The following ZNF365 variants were observed in gnomAD, a reference collection of about 807,000 sequenced individuals.
ZNF365 encodes protein ZNF365.
In ZNF365, 22 loss-of-function variants were observed where a neutral mutation model predicts 35.0. That is an observed-to-expected ratio of 0.63 (90% CI 0.45 to 0.90). The LOEUF is 0.90. ZNF365 is among the 40% of genes least tolerant of loss of function. The pLI is 0.00. For missense variants in ZNF365, 448 were observed against 500.3 expected (o/e 0.90, Z 1.00); for synonymous variants, 188 against 196.2 (o/e 0.96, Z 0.35).
chr10:62,430,424 C>A (rs1463010153), intron 3 of ZNF365, among the ~76,000 whole-genome samples: 5 of 152,110 alleles, frequency 3.3e-5, no homozygotes, highest in South Asian at 2.1e-4. Context: ...TCGTGATCCA[C>A]CCGCCTCGGC....
chr10:62,464,986 TG>T (rs1462005266), intron 4 of ZNF365, among the ~76,000 whole-genome samples: 2 of 152,172 alleles, frequency 1.3e-5, no homozygotes. Context: ...CCTATCAAGT[TG>T]GTGGGATGGG....
At position 62,376,540 on chromosome 10, in the gene ZNF365, A is replaced by T. The variant is rs1480463153; in HGVS notation, c.347A>T (p.Glu116Val). Reference protein sequence around the residue: ...HEHSKDRKPFEVVAERPVSYV... With the variant: ...HEHSKDRKPFVVVAERPVSYV... Reference sequence around the variant, plus strand: ...CATTCCAAGGACAGGAAGCCATTTGAGGTGGTGGCAGAGAGGCCTGTGTCC... The same window carrying T: ...CATTCCAAGGACAGGAAGCCATTTGTGGTGGTGGCAGAGAGGCCTGTGTCC... Residue 116 changes from glutamate to valine, a missense_variant, in exon 2 of 5, where the codon GAG becomes GTG. By Grantham distance (121) the Glu-to-Val change is moderately radical. Around this residue, in one of 3 missense-constraint regions of ZNF365, gnomAD observed 362 missense variants for 375.7 expected, o/e 0.96. Transcript: ENST00000395254. The T allele has an allele frequency of 6.2e-7, 1 of 1,614,016 alleles. No individual in the cohort carries two copies. Among genetic ancestry groups the T allele is most frequent in the East Asian group, 2.2e-5 (1 of 44,876 alleles).
At chr10:62,414,981 A>G (rs74951993) in intron 3 of ZNF365, among the ~76,000 whole-genome samples, 1 of 152,184 alleles carries the variant, frequency 6.6e-6, no homozygotes. Flanking sequence ...TGTCAAACTC[A>G]TAATTTCAGA....
At chr10:62,432,477 C>T (rs1840349167) in intron 3 of ZNF365, among the ~76,000 whole-genome samples, 1 of 152,204 alleles carries the variant, frequency 6.6e-6, no homozygotes, top group Non-Finnish European at 1.5e-5. Context: ...GTCTTGGAGT[C>T]TGATTTCCAG....
chr10:62,423,059 A>C (rs1840199070), intron 3 of ZNF365, among the ~76,000 whole-genome samples: 1 of 152,186 alleles, frequency 6.6e-6, no homozygotes, highest in African/African-American at 2.4e-5. Context: ...ACTTACTATA[A>C]TGTTAAATGA....
At chr10:62,441,891 A>T (rs564563307) in intron 3 of ZNF365, among the ~76,000 whole-genome samples, 1 of 152,292 alleles carries the variant, frequency 6.6e-6, no homozygotes, top group African/African-American at 2.4e-5. Context: ...TTCAGGTGGG[A>T]GGCAGAATAG....
intron 3 of ZNF365, among the ~76,000 whole-genome samples, chr10:62,394,691 G>A (rs1839692624): frequency 6.6e-6 from 1 of 152,204 alleles, no homozygotes; most frequent in East Asian, 1.9e-4. Flanking sequence ...AGATACAGAT[G>A]CCAAAACATT....
intron 4 of ZNF365, among the ~76,000 whole-genome samples, chr10:62,475,854 G>A (rs1841122199): frequency 6.6e-6 from 1 of 152,182 alleles, no homozygotes; most frequent in South Asian, 2.1e-4. Flanking sequence ...CGGCAGCTGG[G>A]TAGTGTGGGG....
At chr10:62,453,337 A>C (rs553606247) in intron 3 of ZNF365, among the ~76,000 whole-genome samples, 19 of 152,156 alleles carry the variant, frequency 1.2e-4, no homozygotes, top group Non-Finnish European at 2.4e-4. Context: ...CTCAATGTCC[A>C]CGTGGACACA....
At chr10:62,453,050 A>G (rs1199313227) in intron 3 of ZNF365, among the ~76,000 whole-genome samples, 1 of 152,260 alleles carries the variant, frequency 6.6e-6, no homozygotes, top group Non-Finnish European at 1.5e-5. Flanking sequence ...GAAAAAACAA[A>G]TAATGAAATA....
intron 3 of ZNF365, among the ~76,000 whole-genome samples, chr10:62,454,070 G>T (rs116077633): frequency 6.6e-6 from 1 of 151,928 alleles, no homozygotes; most frequent in Non-Finnish European, 1.5e-5. Context: ...CTTTTTAAAC[G>T]TATACCTTGC....
At chr10:62,422,151 C>G (rs542991290) in intron 3 of ZNF365, among the ~76,000 whole-genome samples, 1 of 152,010 alleles carries the variant, frequency 6.6e-6, no homozygotes, top group South Asian at 2.1e-4. Flanking sequence ...AGGAAGGAAC[C>G]AGTATTTTAG....
chr10:62,405,874 T>C (rs2132434984), downstream of ZNF365, among the ~76,000 whole-genome samples: 2 of 152,328 alleles, frequency 1.3e-5, no homozygotes, highest in Admixed American at 1.3e-4. Flanking sequence ...AATTATTTGT[T>C]CAAGGGTGAA....
At chr10:62,443,158 C>T (rs1840529588) in intron 3 of ZNF365, among the ~76,000 whole-genome samples, 1 of 152,182 alleles carries the variant, frequency 6.6e-6, no homozygotes, top group African/African-American at 2.4e-5. Flanking sequence ...ATTGAGTGCC[C>T]TTTATAAGTC....
intron 4 of ZNF365, among the ~76,000 whole-genome samples, chr10:62,466,090 C>T (rs1483430937): frequency 6.6e-6 from 1 of 152,162 alleles, no homozygotes; most frequent in Non-Finnish European, 1.5e-5. Flanking sequence ...CTGTGCACAC[C>T]CCTACTCACT....
intron 3 of ZNF365, among the ~76,000 whole-genome samples, chr10:62,423,550 A>T (rs144677894): frequency 1.3e-5 from 2 of 152,198 alleles, no homozygotes; most frequent in Non-Finnish European, 2.9e-5. Context: ...TTAAATTTTT[A>T]CACTAACTCT....
chr10:62,416,337 C>T (rs77639070), intron 3 of ZNF365, among the ~76,000 whole-genome samples: 2,848 of 151,870 alleles, frequency 0.019, 78 homozygotes, highest in African/African-American at 0.065. Context: ...GTGATTTGTA[C>T]CCAAGTTAAT....
At chr10:62,419,793 G>GT (rs1238607539) in intron 3 of ZNF365, among the ~76,000 whole-genome samples, 1 of 152,064 alleles carries the variant, frequency 6.6e-6, no homozygotes, top group Non-Finnish European at 1.5e-5. Context: ...TTCATCAATA[G>GT]TTTTTTCCTT....
chr10:62,440,141 G>A (rs1840472345), intron 3 of ZNF365, among the ~76,000 whole-genome samples: 1 of 151,902 alleles, frequency 6.6e-6, no homozygotes, highest in Non-Finnish European at 1.5e-5. Context: ...CCATGCAAAT[G>A]CTAATAATTA....
Sources: gnomAD v4.1 joint callset for allele counts (sites outside exome capture counted in the v4.1 genomes callset) on GRCh38, gnomAD v4.1.1 for gene constraint, gnomAD v4.1.1 regional missense constraint, MANE v1.5 for transcripts, NCBI Gene and HGNC (gene_info 2026-07-23, HGNC 2026-07-21) for gene names.